The following HS6ST3 variants were observed in gnomAD, a reference collection of about 807,000 sequenced individuals.
The protein encoded by HS6ST3 is heparan-sulfate 6-O-sulfotransferase 3.
Under a neutral mutation model 36.7 loss-of-function variants are expected in HS6ST3, and 12 were observed. The ratio of observed to expected loss-of-function variants is 0.33; its 90% CI spans 0.21 to 0.53. The LOEUF is 0.53. HS6ST3 is among the 20% of genes least tolerant of loss of function. The probability of loss-of-function intolerance (pLI) is 0.95; values close to 1 mark genes in which losing one functional copy is unlikely to be tolerated. For missense variants in HS6ST3, 584 were observed against 640.9 expected (o/e 0.91, Z 0.96); for synonymous variants, 240 against 257.5 (o/e 0.93, Z 0.65).
intron 1 of HS6ST3, among the ~76,000 whole-genome samples, chr13:96,641,893 C>T (rs1212658175): frequency 6.6e-6 from 1 of 151,486 alleles, no homozygotes; most frequent in Non-Finnish European, 1.5e-5. Flanking sequence ...ATGAAATTGC[C>T]TTTTCTGATA....
intron 1 of HS6ST3, among the ~76,000 whole-genome samples, chr13:96,401,381 G>A (rs2055450393): frequency 6.6e-6 from 1 of 152,158 alleles, no homozygotes; most frequent in Non-Finnish European, 1.5e-5. Context: ...TGTCAGCTGT[G>A]TCAGGTCCTG....
chr13:96,622,316 T>A (rs1353318061), intron 1 of HS6ST3, among the ~76,000 whole-genome samples: 1 of 152,204 alleles, frequency 6.6e-6, no homozygotes, highest in East Asian at 1.9e-4. Context: ...TTTATGACAC[T>A]TTTTAGCTGT....
In HS6ST3 at chr13:96,221,586, C is replaced by T. The variant is rs75795778; in HGVS notation, c.707+130017C>T. Among the ~76,000 whole-genome samples the T allele has an allele frequency of 1.9e-4, 29 of 152,168 alleles. 1 individual carries two copies. In the East Asian group the frequency reaches 5.6e-3, roughly 29 times the overall value. ...GGTGAGTGCTCTAAAGTCCATTCAA[C>T]AGGACTTTAGTCTACTGACCAAACA... On this transcript the variant is annotated intron_variant, in intron 1 of 1. Transcript: ENST00000376705.
intron 1 of HS6ST3, among the ~76,000 whole-genome samples, chr13:96,178,096 A>G (rs984148600): frequency 2.0e-5 from 3 of 152,156 alleles, no homozygotes; most frequent in East Asian, 1.9e-4. Context: ...GGGAATTTCT[A>G]AACAATTATG....
intron 1 of HS6ST3, among the ~76,000 whole-genome samples, chr13:96,556,853 A>G (rs577077800): frequency 6.6e-6 from 1 of 152,300 alleles, no homozygotes; most frequent in Non-Finnish European, 1.5e-5. Flanking sequence ...ACGGAAAAGA[A>G]GTTTCCAATG....
chr13:96,475,283 T>G (rs1312417744), intron 1 of HS6ST3, among the ~76,000 whole-genome samples: 1 of 152,120 alleles, frequency 6.6e-6, no homozygotes, highest in East Asian at 1.9e-4. Flanking sequence ...GTTTAAGCTA[T>G]GCCTTGCAAC....
At position 96,582,612 on chromosome 13, in the gene HS6ST3, T is replaced by G. The variant is rs191511883; in HGVS notation, c.708-249878T>G. ...CTGAAGCAAGTTGGAGATTTTGAAC[T>G]AATGAGTAGGAGATGTAAATTTCAG... On this transcript the variant is annotated intron_variant, in intron 1 of 1. Coordinates refer to ENST00000376705, the MANE Select transcript of HS6ST3 (RefSeq NM_153456.4). Among the ~76,000 whole-genome samples the G allele has an allele frequency of 2.6e-5, 4 of 152,296 alleles. No individual in the cohort carries two copies. In the East Asian group the frequency reaches 7.7e-4, roughly 29 times the overall value.
chr13:96,487,944 A>G (rs1335167862), intron 1 of HS6ST3, among the ~76,000 whole-genome samples: 1 of 152,154 alleles, frequency 6.6e-6, no homozygotes, highest in Non-Finnish European at 1.5e-5. Flanking sequence ...GCTGTGTACC[A>G]CCTGAGACTG....
At chr13:96,789,892 G>A (rs1877740923) in intron 1 of HS6ST3, among the ~76,000 whole-genome samples, 1 of 151,754 alleles carries the variant, frequency 6.6e-6, no homozygotes, top group South Asian at 2.1e-4. Context: ...GTCTGGGTTG[G>A]AATTTTTTTA....
chr13:96,424,140 A>G (rs1338340346), intron 1 of HS6ST3, among the ~76,000 whole-genome samples: 1 of 152,214 alleles, frequency 6.6e-6, no homozygotes, highest in African/African-American at 2.4e-5. Context: ...TATTAGAGAT[A>G]AGTTTTTTTT....
chr13:96,340,042 C>T (rs922899336), intron 1 of HS6ST3, among the ~76,000 whole-genome samples: 1 of 152,148 alleles, frequency 6.6e-6, no homozygotes, highest in Non-Finnish European at 1.5e-5. Context: ...TCCAGACTTT[C>T]CCCTTTTCTG....
chr13:96,092,775 A>G (rs2053771098), intron 1 of HS6ST3, among the ~76,000 whole-genome samples: 1 of 152,182 alleles, frequency 6.6e-6, no homozygotes, highest in African/African-American at 2.4e-5. Flanking sequence ...TTCTCCAAGA[A>G]TGAGCAAAAT....
chr13:96,760,195 G>A (rs911233653), intron 1 of HS6ST3, among the ~76,000 whole-genome samples: 3 of 151,648 alleles, frequency 2.0e-5, no homozygotes, highest in African/African-American at 4.8e-5. Flanking sequence ...ACTACCATGG[G>A]AACATTTTTA....
intron 1 of HS6ST3, among the ~76,000 whole-genome samples, chr13:96,347,016 C>T (rs568015262): frequency 3.1e-4 from 47 of 152,138 alleles, no homozygotes; most frequent in Admixed American, 3.3e-4. Flanking sequence ...AGTGAGAAGC[C>T]GAATCCTGCA....
intron 1 of HS6ST3, among the ~76,000 whole-genome samples, chr13:96,638,279 T>A (rs2056556894): frequency 6.6e-6 from 1 of 152,120 alleles, no homozygotes; most frequent in South Asian, 2.1e-4. Flanking sequence ...GAGGGCCTTT[T>A]ACATATTGGG....
chr13:96,406,389 C>A (rs895741485), intron 1 of HS6ST3, among the ~76,000 whole-genome samples: 3 of 152,196 alleles, frequency 2.0e-5, no homozygotes, highest in African/African-American at 7.2e-5. Flanking sequence ...TGCTTAGTGT[C>A]ATACAATTAC....
At chr13:96,531,600 T>A (rs1030948966) in intron 1 of HS6ST3, among the ~76,000 whole-genome samples, 2 of 152,238 alleles carry the variant, frequency 1.3e-5, no homozygotes, top group Admixed American at 6.5e-5. Context: ...GACCCATTAA[T>A]GCTTTTGCAG....
intron 1 of HS6ST3, among the ~76,000 whole-genome samples, chr13:96,610,660 G>A (rs931424416): frequency 6.6e-6 from 1 of 152,106 alleles, no homozygotes; most frequent in African/African-American, 2.4e-5. Context: ...CATAAAGAAT[G>A]TTTGGCTTGT....
At chr13:96,609,317 A>G (rs916837023) in intron 1 of HS6ST3, among the ~76,000 whole-genome samples, 2 of 152,176 alleles carry the variant, frequency 1.3e-5, no homozygotes, top group Admixed American at 6.5e-5. Context: ...GTTTGGTAGA[A>G]TATAAATATA....
Sources: allele counts gnomAD v4.1 joint callset (sites outside exome capture counted in the v4.1 genomes callset), GRCh38; gene constraint gnomAD v4.1.1; transcripts MANE v1.5; gene names NCBI Gene and HGNC (gene_info 2026-07-23, HGNC 2026-07-21).